The following CACNA2D1 variants were observed in gnomAD, a reference collection of about 807,000 sequenced individuals.
CACNA2D1 encodes the protein voltage-dependent calcium channel subunit alpha-2/delta-1.
In CACNA2D1, 53 loss-of-function variants were observed where a neutral mutation model predicts 171.5. That is an observed-to-expected ratio of 0.31 (90% CI 0.25 to 0.39). The LOEUF is 0.39. Among genes scored for constraint, CACNA2D1 ranks in the 10% least tolerant of loss-of-function variants. The pLI is 1.00. For missense variants in CACNA2D1, 903 were observed against 1,299.8 expected, an observed-to-expected ratio of 0.69 and a Z score of 4.69; for synonymous variants, 442 against 443.1, an observed-to-expected ratio of 1.00 and a Z score of 0.03.
chr7:82,026,047 G>GT (rs1224426188), intron 12 of CACNA2D1, among the ~76,000 whole-genome samples: 1,968 of 132,676 alleles, frequency 0.015, 25 homozygotes, highest in South Asian at 0.032. Context: ...TCTCGTGTCA[G>GT]TTTTTTTTTT....
intron 3 of CACNA2D1, among the ~76,000 whole-genome samples, chr7:82,198,549 G>GCACC (rs144833086): frequency 0.063 from 9,567 of 152,028 alleles, 675 homozygotes; most frequent in East Asian, 0.2. Context: ...TAGAAGTCAG[G>GCACC]CACCAGTTTT....
At chr7:82,085,858 A>G (rs1810416273) in intron 6 of CACNA2D1, among the ~76,000 whole-genome samples, 1 of 152,192 alleles carries the variant, frequency 6.6e-6, no homozygotes, top group South Asian at 2.1e-4. Context: ...AGGATATAAT[A>G]TGGGTTAAGT....
At chr7:82,114,178 A>G (rs1364956222) in intron 6 of CACNA2D1, among the ~76,000 whole-genome samples, 1 of 152,220 alleles carries the variant, frequency 6.6e-6, no homozygotes, top group Non-Finnish European at 1.5e-5. Context: ...ATGTATGCCT[A>G]TGTAAACATT....
intron 10 of CACNA2D1, among the ~76,000 whole-genome samples, chr7:82,057,866 G>T (rs1375488097): frequency 6.6e-6 from 1 of 152,082 alleles, no homozygotes; most frequent in Non-Finnish European, 1.5e-5. Context: ...GAAAAGATGA[G>T]TATGAATTAT....
intron 3 of CACNA2D1, among the ~76,000 whole-genome samples, chr7:82,253,734 A>G (rs146426898): frequency 0.012 from 1,835 of 152,272 alleles, 25 homozygotes; most frequent in Middle Eastern, 0.061. Flanking sequence ...ACTAGAAATA[A>G]TGTATATATG....
At chr7:82,426,604 A>G (rs1469482212) in intron 1 of CACNA2D1, among the ~76,000 whole-genome samples, 1 of 152,224 alleles carries the variant, frequency 6.6e-6, no homozygotes, top group East Asian at 1.9e-4. Flanking sequence ...TACAAGTAGT[A>G]TGGTAATTAT....
At chr7:82,280,571 A>T (rs897091767) in intron 3 of CACNA2D1, among the ~76,000 whole-genome samples, 1 of 152,182 alleles carries the variant, frequency 6.6e-6, no homozygotes, top group Admixed American at 6.5e-5. Context: ...TACATTTTTT[A>T]AATTTAGAAA....
intron 3 of CACNA2D1, among the ~76,000 whole-genome samples, chr7:82,188,998 T>C (rs1452606959): frequency 4.0e-5 from 6 of 151,876 alleles, no homozygotes; most frequent in Admixed American, 3.3e-4. Flanking sequence ...AAGAAAACAG[T>C]AGACACTGGG....
chr7:82,355,794 T>C (rs188785676), intron 1 of CACNA2D1, among the ~76,000 whole-genome samples: 141 of 152,232 alleles, frequency 9.3e-4, no homozygotes, highest in Non-Finnish European at 1.4e-3. Context: ...CTTACTTCTC[T>C]TTTTCTACTC....
chr7:82,084,435 C>T (rs1810199932), intron 7 of CACNA2D1, among the ~76,000 whole-genome samples: 1 of 152,118 alleles, frequency 6.6e-6, no homozygotes. Context: ...TGACTCACAG[C>T]TTGGTGCATG....
chr7:82,423,410 T>C (rs1293139992), intron 1 of CACNA2D1, among the ~76,000 whole-genome samples: 1 of 152,184 alleles, frequency 6.6e-6, no homozygotes, highest in African/African-American at 2.4e-5. Flanking sequence ...GCTGATTTAC[T>C]GAAACTATGA....
At chr7:82,146,983 C>CAAAAAAAAAAAAAAAA (rs764990586) in intron 4 of CACNA2D1, among the ~76,000 whole-genome samples, 1 of 25,502 alleles carries the variant, frequency 3.9e-5, no homozygotes, top group Non-Finnish European at 6.1e-5. Context: ...ACTCCCATCT[C>CAAAAAAAAAAAAAAAA]AAAAAAAAAA....
intron 6 of CACNA2D1, among the ~76,000 whole-genome samples, chr7:82,112,402 A>G (rs1010991514): frequency 6.6e-6 from 1 of 152,220 alleles, no homozygotes; most frequent in African/African-American, 2.4e-5. Flanking sequence ...ATATTTGATG[A>G]CGCAGTATGA....
chr7:82,216,905 AAAAG>A (rs951908400), intron 3 of CACNA2D1, among the ~76,000 whole-genome samples: 3 of 151,788 alleles, frequency 2.0e-5, no homozygotes, highest in African/African-American at 7.2e-5. Context: ...AAAAAAAAAA[AAAAG>A]AAAGCTGGTT....
chr7:81,965,569 A>C, intron 32 of CACNA2D1, 25 bp downstream of exon 32: 1 of 1,259,200 alleles, frequency 7.9e-7, no homozygotes, highest in East Asian at 2.3e-5. Context: ...GGAAAGCCTA[A>C]TTCCCTCTTA....
intron 1 of CACNA2D1, among the ~76,000 whole-genome samples, chr7:82,380,943 C>T (rs527407003): frequency 5.1e-4 from 77 of 152,104 alleles, no homozygotes; most frequent in African/African-American, 1.7e-3. Flanking sequence ...GATCTGCCTG[C>T]CTTGGCCTCC....
At chr7:82,381,531 A>T (rs890289820) in intron 1 of CACNA2D1, among the ~76,000 whole-genome samples, 3 of 151,946 alleles carry the variant, frequency 2.0e-5, no homozygotes, top group Non-Finnish European at 4.4e-5. Context: ...ATGTCTCAAA[A>T]CCCTGCAAAA....
At chr7:82,212,170 C>T (rs1364408439) in intron 3 of CACNA2D1, among the ~76,000 whole-genome samples, 1 of 152,090 alleles carries the variant, frequency 6.6e-6, no homozygotes, top group African/African-American at 2.4e-5. Flanking sequence ...GACTAATCAA[C>T]ACTCTATCAT....
At chr7:82,066,628 C>T in intron 7 of CACNA2D1, 104 bp from the exon 8 acceptor site, 1 of 1,442,320 alleles carries the variant, frequency 6.9e-7, no homozygotes, top group Non-Finnish European at 9.2e-7. Context: ...CATAATTTCA[C>T]TTACGTACTT....
Sources: gnomAD v4.1 joint callset for allele counts (sites outside exome capture counted in the v4.1 genomes callset) on GRCh38, gnomAD v4.1.1 for gene constraint, MANE v1.5 for transcripts, NCBI Gene and HGNC (gene_info 2026-07-23, HGNC 2026-07-21) for gene names.